CROCC2: variants seen among roughly 807,000 people sequenced by gnomAD.
CROCC2 encodes the protein ciliary rootlet coiled-coil, rootletin family member 2.
Under a neutral mutation model 177.6 loss-of-function variants are expected in CROCC2, and 163 were observed. That is an observed-to-expected ratio of 0.92 (90% CI 0.81 to 1.05). CROCC2 has a LOEUF of 1.05. Ranked by LOEUF, CROCC2 falls within the 50% of genes least tolerant of loss-of-function variation. CROCC2 has a pLI of 0.00. For missense variants in CROCC2, 1,929 were observed against 1,797.8 expected, an observed-to-expected ratio of 1.07 and a Z score of -1.32; for synonymous variants, 904 against 787.3, an observed-to-expected ratio of 1.15 and a Z score of -2.48.
chr2:240,929,743 T>C (rs575246998), intron 5 of CROCC2: 3 of 461,606 alleles, frequency 6.5e-6, no homozygotes, highest in East Asian at 6.8e-5. Context: ...TCCTCTTCCA[T>C]TGGAGTGGCA....
chr2:240,983,621 T>C (rs1332496622), intron 28 of CROCC2: 2 of 1,284,430 alleles, frequency 1.6e-6, no homozygotes, highest in Non-Finnish European at 2.0e-6. Context: ...GAGGAGCTCC[T>C]GGCTGGGGTC....
rs74001731 is a variant in CROCC2, at chr2:240,971,298, C to T, written c.4401+3036C>T. Among the ~76,000 whole-genome samples the T allele has an allele frequency of 3.6e-3, 546 of 152,322 alleles. 6 individuals carry two copies. Among genetic ancestry groups the T allele is most frequent in the African/African-American group, 0.013 (521 of 41,568 alleles). On this transcript the variant is annotated intron_variant, in intron 27 of 31. Transcript: ENST00000690015. ...TGAATCCAACGTAATCACAGGATAA[C>T]GTCAGGGCCAGAGCTCACAGGGCCC...
At chr2:240,914,773 G>T (rs2059308595) in intron 1 of CROCC2, among the ~76,000 whole-genome samples, 3 of 152,222 alleles carry the variant, frequency 2.0e-5, no homozygotes, top group Non-Finnish European at 4.4e-5. Context: ...GTCCAAGCAG[G>T]ACGGGACGAC....
At chr2:240,947,188 T>C (rs1432728493) in intron 15 of CROCC2, among the ~76,000 whole-genome samples, 1 of 152,262 alleles carries the variant, frequency 6.6e-6, no homozygotes, top group African/African-American at 2.4e-5. Flanking sequence ...ATCCTCGAGC[T>C]TCACAGACAA....
At position 240,973,727 on chromosome 2, in the gene CROCC2, T is replaced by G. The variant is rs1403935804; in HGVS notation, c.4401+5465T>G. Among the ~76,000 whole-genome samples the G allele has an allele frequency of 6.6e-6, 1 of 152,252 alleles. No homozygotes were observed. Among genetic ancestry groups the G allele is most frequent in the East Asian group, 1.9e-4 (1 of 5,200 alleles). The stretch of plus-strand genomic sequence containing the variant: ...GACACTGAGCCACAGTCAGACTTGA[T>G]TACTCTCAGTGTTTTGTCAAGAATT... On this transcript the variant is annotated intron_variant, in intron 27 of 31. Transcript: ENST00000690015. This position sits in a 1 kb window ranked among gnomAD's most constrained non-coding sequence, Gnocchi z 4.7.
intron 14 of CROCC2, among the ~76,000 whole-genome samples, chr2:240,940,514 C>T (rs368935715): frequency 3.9e-5 from 6 of 152,202 alleles, no homozygotes; most frequent in African/African-American, 1.4e-4. Flanking sequence ...AAGTGGGTTT[C>T]ATACCAGGGA....
chr2:240,964,594 C>T lies in CROCC2; in HGVS notation c.3434C>T (p.Ala1145Val), dbSNP rs966039868. 4 of 1,549,330 alleles carry T rather than the reference C, an allele frequency of 2.6e-6. No homozygotes were observed. In the African/African-American group the frequency reaches 5.5e-5, roughly 21 times the overall value. The change falls in exon 22 of 32, where the codon GCC (alanine) becomes GTC (valine). Residue 1145 changes from alanine (A) to valine (V), a missense_variant. By Grantham distance (64) the Ala-to-Val change is moderately conservative. Coordinates refer to ENST00000690015, the MANE Select transcript of CROCC2 (RefSeq NM_001351305.2). ...GAGCTGGAGCAGGCAGGGGGGGACG[C>T]CCGTCAGGAGCTCCGGGAACTCCAC... Reference protein sequence around the residue: ...LWELEQAGGDARQELRELHRQ... With the variant: ...LWELEQAGGDVRQELRELHRQ...
intron 28 of CROCC2, among the ~76,000 whole-genome samples, chr2:240,987,164 G>C (rs2059846317): frequency 6.6e-6 from 1 of 152,220 alleles, no homozygotes; most frequent in African/African-American, 2.4e-5. Flanking sequence ...GGGTGGAGGA[G>C]CAGGGGGCTT....
intron 2 of CROCC2, among the ~76,000 whole-genome samples, chr2:240,919,419 C>T (rs184760070): frequency 6.7e-4 from 102 of 152,298 alleles, no homozygotes; most frequent in African/African-American, 2.3e-3. Flanking sequence ...GTCCTGCACC[C>T]GCCCCAGGCC....
At chr2:240,928,450 G>GTA (rs1249538944) in intron 5 of CROCC2, among the ~76,000 whole-genome samples, 2 of 151,422 alleles carry the variant, frequency 1.3e-5, no homozygotes, top group Non-Finnish European at 2.9e-5. Context: ...GTGTGTGTGT[G>GTA]TGTAGCAAGA....
chr2:240,963,756 C>G lies in CROCC2; in HGVS notation c.3288C>G (p.Ala1096=), dbSNP rs76200658. 2,789 of 1,549,642 alleles carry G rather than the reference C, an allele frequency of 1.8e-3. 90 individuals carry two copies. The Admixed American group carries it at 0.048, about 27-fold the overall frequency. ...AGCTGCGGGCCACCATCTGCAGGGC[C>G]GAACAGGAGAAGGCCAGGTATGGCG... ...NSELRATICR[A]EQEKASFKRS... Residue 1096 remains alanine (A), a synonymous_variant, in exon 21 of 32, where the codon GCC becomes GCG. Transcript: ENST00000690015.
intron 3 of CROCC2, among the ~76,000 whole-genome samples, chr2:240,921,773 T>G (rs1434203588): frequency 3.3e-5 from 5 of 152,224 alleles, no homozygotes; most frequent in Non-Finnish European, 7.3e-5. Flanking sequence ...CTCTTCCAGC[T>G]TGTGGCTGAG....
At chr2:240,992,295 C>G (rs2059884964) in intron 31 of CROCC2, among the ~76,000 whole-genome samples, 2 of 152,218 alleles carry the variant, frequency 1.3e-5, no homozygotes, top group Non-Finnish European at 2.9e-5. Context: ...CAGGGGCCTC[C>G]CGTCCCAGTC....
chr2:240,968,330 C>T, intron 27 of CROCC2, 68 bp downstream of exon 27: 1 of 1,436,012 alleles, frequency 7.0e-7, no homozygotes, highest in African/African-American at 1.4e-5. Flanking sequence ...ACCCTCACAC[C>T]CTGCAGGGAG....
chr2:240,989,882 A>T (rs779800994), intron 30 of CROCC2, 49 bp downstream of exon 30: 78 of 1,478,180 alleles, frequency 5.3e-5, no homozygotes, highest in Non-Finnish European at 6.9e-5. Context: ...GCAGGGACAG[A>T]GGACTGGCAT....
chr2:240,919,129 G>T (rs888663411), intron 2 of CROCC2, among the ~76,000 whole-genome samples: 19 of 150,888 alleles, frequency 1.3e-4, no homozygotes, highest in Non-Finnish European at 1.5e-5. Flanking sequence ...GCTGGCCAAG[G>T]TGACAGCGTG....
At position 240,949,611 on chromosome 2, in the gene CROCC2, A is replaced by T. The variant is rs995924936; in HGVS notation, c.2561A>T (p.Gln854Leu). 8 of 1,550,378 alleles carry T rather than the reference A, an allele frequency of 5.2e-6. No individual in the cohort carries two copies. The highest frequency in any genetic ancestry group is 7.0e-6 in the Non-Finnish European group (8 of 1,146,942). ...LRQDTVRLQR[Q>L]VAQQEREAQR... ...CAGGACACGGTGCGGCTCCAGCGAC[A>T]GGTGGCACAGCAGGAGCGGGAGGCA... Residue 854 changes from glutamine to leucine, a missense_variant, in exon 17 of 32, where the codon CAG (glutamine) becomes CTG (leucine). Gln to Leu is a moderately radical substitution (Grantham distance 113). Transcript: ENST00000690015. The surrounding 1 kb of genome is among the most constrained non-coding windows in gnomAD (Gnocchi z 4.5).
At chr2:240,950,562 C>T in intron 18 of CROCC2, 52 bp downstream of exon 18, 1 of 1,506,488 alleles carries the variant, frequency 6.6e-7, no homozygotes, top group East Asian at 2.5e-5. Flanking sequence ...CTGCACCTGT[C>T]ACCTCTGGCC....
chr2:240,926,828 C>T (rs906026392), intron 5 of CROCC2, among the ~76,000 whole-genome samples: 4 of 152,266 alleles, frequency 2.6e-5, no homozygotes, highest in African/African-American at 4.8e-5. Context: ...ATAGCGTCAG[C>T]GGGAGCCGTG....
Sources: allele counts gnomAD v4.1 joint callset (sites outside exome capture counted in the v4.1 genomes callset), GRCh38; gene constraint gnomAD v4.1.1; non-coding constraint Gnocchi (gnomAD v3.1); transcripts MANE v1.5; gene names NCBI Gene and HGNC (gene_info 2026-07-23, HGNC 2026-07-21).